The following SLC39A9 variants were observed in gnomAD, a reference collection of about 807,000 sequenced individuals.
The protein encoded by SLC39A9 is solute carrier family 39 member 9.
A neutral mutation model predicts 28.4 loss-of-function variants in SLC39A9; 14 were observed. That is an observed-to-expected ratio of 0.49 (90% confidence interval 0.33 to 0.77). The LOEUF is 0.77. Ranked by LOEUF, SLC39A9 falls within the 30% of genes least tolerant of loss-of-function variation. The probability of loss-of-function intolerance (pLI) is 0.02; values close to 1 mark genes in which losing one functional copy is unlikely to be tolerated. For synonymous variants in SLC39A9, 119 were observed against 149.6 expected (o/e 0.80, Z 1.49); for missense variants, 283 against 381.1 (o/e 0.74, Z 2.14).
At chr14:69,446,643 C>T (rs1377272039) in intron 3 of SLC39A9, among the ~76,000 whole-genome samples, 5 of 151,848 alleles carry the variant, frequency 3.3e-5, no homozygotes, top group Non-Finnish European at 7.4e-5. Flanking sequence ...GAGGCCTAGG[C>T]GGGTGCATCA....
rs1882479085 is a variant in SLC39A9, at chr14:69,399,157, G to A, written c.-213G>A. ...AGCCTGGGACCTTAGATTGCTGTAA[G>A]CTTTCTCTGGTGCTAATATCAGCAA... On this transcript the variant is annotated 5_prime_UTR_variant, in exon 1 of 7. Transcript: ENST00000336643. The A allele has an allele frequency of 1.8e-6, 1 of 545,074 alleles. No homozygotes were observed. The highest frequency in any genetic ancestry group is 2.0e-5 in the African/African-American group (1 of 50,502). The allele number at this position is 545,074 out of a possible 1,614,324, so 33.8% of individuals were successfully genotyped here. A position where few individuals can be genotyped will look rare whatever the true frequency, so the allele number is the denominator to read the frequency against.
Position 69,460,758 on chromosome 14 carries a change from C to T in SLC39A9, c.*2165C>T, listed in dbSNP as rs1008973396. The T allele has an allele frequency of 1.6e-5, 16 of 985,466 alleles. No individual in the cohort carries two copies. Among genetic ancestry groups the T allele is most frequent in the Non-Finnish European group, 1.9e-5 (16 of 829,940 alleles). 61.0% of individuals were successfully genotyped at this position (985,466 alleles called of 1,614,324 possible). ...CTTCCCCTCTGGACCTCACTATTAACAAGCAAACCTTTCAGGGCCCTCTTA... is the reference window on the plus strand; with the variant it reads ...CTTCCCCTCTGGACCTCACTATTAATAAGCAAACCTTTCAGGGCCCTCTTA... On this transcript the variant is annotated 3_prime_UTR_variant, in exon 7 of 7. Coordinates refer to ENST00000336643, the MANE Select transcript of SLC39A9 (RefSeq NM_018375.5).
At position 69,437,780 on chromosome 14, in the gene SLC39A9, G is replaced by A. The variant is rs544790208; in HGVS notation, c.206-4289G>A. Among the ~76,000 whole-genome samples, 9 of 151,910 alleles carry A rather than the reference G, an allele frequency of 5.9e-5. No homozygotes were observed. The South Asian group carries it at 1.7e-3, about 28-fold the overall frequency. ...ATTTTTGTATTTTTAATAGAGATGG[G>A]TTTCACCATCTTGGCCAGGCTGGTC... On this transcript the variant is annotated intron_variant, in intron 2 of 6. Coordinates refer to ENST00000336643, the MANE Select transcript of SLC39A9 (RefSeq NM_018375.5).
At chr14:69,427,475 A>C (rs8016781) in intron 2 of SLC39A9, among the ~76,000 whole-genome samples, 5 of 152,114 alleles carry the variant, frequency 3.3e-5, no homozygotes, top group East Asian at 1.9e-4. Context: ...TTCACACTTT[A>C]GGTGTACACA....
intron 6 of SLC39A9, 136 bp downstream of exon 6, chr14:69,456,002 T>A: frequency 1.0e-6 from 1 of 992,568 alleles, no homozygotes; most frequent in Non-Finnish European, 1.4e-6. Flanking sequence ...CTATACAGGG[T>A]AAATATCTTA....
intron 6 of SLC39A9, among the ~76,000 whole-genome samples, chr14:69,456,145 C>T (rs1885848619): frequency 6.6e-6 from 1 of 152,100 alleles, no homozygotes; most frequent in Non-Finnish European, 1.5e-5. Context: ...ATAACGTAAC[C>T]AGCCATGCTA....
intron 4 of SLC39A9, 172 bp from the exon 5 acceptor site, chr14:69,454,640 A>G (rs972415206): frequency 4.1e-6 from 2 of 493,628 alleles, no homozygotes; most frequent in African/African-American, 3.9e-5. Flanking sequence ...GAAAACCCTA[A>G]GAAATACATA....
At chr14:69,456,408 G>A (rs903435752) in intron 6 of SLC39A9, among the ~76,000 whole-genome samples, 1 of 152,188 alleles carries the variant, frequency 6.6e-6, no homozygotes, top group African/African-American at 2.4e-5. Flanking sequence ...ATAACACACT[G>A]TTAGCAACTA....
intron 1 of SLC39A9, among the ~76,000 whole-genome samples, chr14:69,419,195 A>G (rs1380972557): frequency 3.9e-5 from 6 of 152,138 alleles, no homozygotes; most frequent in African/African-American, 1.2e-4. Flanking sequence ...ATTCTGGTAC[A>G]TTGTGTCTTT....
intron 2 of SLC39A9, among the ~76,000 whole-genome samples, chr14:69,430,628 C>CTTTTTTT (rs71446389): frequency 7.3e-5 from 10 of 137,742 alleles, no homozygotes; most frequent in African/African-American, 8.1e-5. Context: ...ATTTTTCTTT[C>CTTTTTTT]TTTTTTTTTT....
At position 69,411,545 on chromosome 14, in the gene SLC39A9, A is replaced by T. The variant is rs145035021; in HGVS notation, c.96+12080A>T. ...ACTGACAGAAACTGTTGGTTTGGGA[A>T]CTGTCTTTTGATCTTGAATGACACT... On this transcript the variant is annotated intron_variant, in intron 1 of 6. Transcript: ENST00000336643. Among the ~76,000 whole-genome samples, 29 of 152,294 alleles carry T rather than the reference A, an allele frequency of 1.9e-4. No homozygotes were observed. In the East Asian group the frequency reaches 5.2e-3, roughly 27 times the overall value.
chr14:69,441,837 G>T, intron 2 of SLC39A9: 1 of 1,254,512 alleles, frequency 8.0e-7, no homozygotes. Context: ...CCCAGGTGTT[G>T]AGAATAATAG....
chr14:69,433,701 G>T (rs147903163), intron 2 of SLC39A9, among the ~76,000 whole-genome samples: 36 of 152,210 alleles, frequency 2.4e-4, no homozygotes, highest in Non-Finnish European at 4.7e-4. Context: ...TTATTTCCTC[G>T]TACTTTTTAA....
At chr14:69,447,520 G>A (rs952295916) in intron 3 of SLC39A9, among the ~76,000 whole-genome samples, 2 of 152,186 alleles carry the variant, frequency 1.3e-5, no homozygotes, top group Admixed American at 6.5e-5. Context: ...AGAACGAAGA[G>A]AAACTCAGCC....
chr14:69,458,874 G>A lies in SLC39A9; in HGVS notation c.*281G>A. ...ATATTTCTCTTAACCCTATTCTCAG[G>A]GAAGATGGAATTTAGTTTTAAGGAA... On this transcript the variant is annotated 3_prime_UTR_variant, in exon 7 of 7. Transcript: ENST00000336643. 8.8e-7 allele frequency: 1 copy of A among 1,133,576 alleles called. No individual in the cohort carries two copies. The highest frequency in any genetic ancestry group is 1.1e-6 in the Non-Finnish European group (1 of 924,420). The allele number at this position is 1,133,576 out of a possible 1,614,324, so 70.2% of individuals were successfully genotyped here.
At chr14:69,430,826 C>G (rs1451437364) in intron 2 of SLC39A9, among the ~76,000 whole-genome samples, 1 of 152,012 alleles carries the variant, frequency 6.6e-6, no homozygotes, top group Non-Finnish European at 1.5e-5. Flanking sequence ...TAGAGACAGC[C>G]TCACTCTGTT....
intron 2 of SLC39A9, 70 bp downstream of exon 2, chr14:69,424,272 G>T: frequency 8.6e-7 from 1 of 1,168,802 alleles, no homozygotes. Context: ...AAGCTTAGTG[G>T]TATGTTTTCT....
At chr14:69,425,304 G>A (rs1884126865) in intron 2 of SLC39A9, among the ~76,000 whole-genome samples, 1 of 152,148 alleles carries the variant, frequency 6.6e-6, no homozygotes, top group Non-Finnish European at 1.5e-5. Context: ...ACATAGAACA[G>A]TATTTTCTTT....
intron 2 of SLC39A9, among the ~76,000 whole-genome samples, chr14:69,431,600 A>G (rs1297334821): frequency 2.0e-5 from 3 of 150,456 alleles, no homozygotes; most frequent in African/African-American, 4.9e-5. Flanking sequence ...CAGGGGGTAC[A>G]TGTACAGGTT....
Sources: gnomAD v4.1 joint callset for allele counts (sites outside exome capture counted in the v4.1 genomes callset) on GRCh38, gnomAD v4.1.1 for gene constraint, MANE v1.5 for transcripts, NCBI Gene and HGNC (gene_info 2026-07-23, HGNC 2026-07-21) for gene names.